PAK5: variants seen among roughly 807,000 people sequenced by gnomAD.
PAK5 encodes serine/threonine-protein kinase PAK 5.
Under a neutral mutation model 65.9 loss-of-function variants are expected in PAK5, and 16 were observed. That is an observed-to-expected ratio of 0.24 (90% confidence interval 0.16 to 0.37). PAK5 has a LOEUF of 0.37. Ranked by LOEUF, PAK5 falls within the 10% of genes least tolerant of loss-of-function variation. The probability of loss-of-function intolerance (pLI) is 1.00; values close to 1 mark genes in which losing one functional copy is unlikely to be tolerated. For missense variants in PAK5, 785 were observed against 903.9 expected (o/e 0.87, Z 1.69); for synonymous variants, 371 against 354.9 (o/e 1.05, Z -0.51).
At chr20:9,639,720 A>G (rs1190201765) in intron 3 of PAK5, among the ~76,000 whole-genome samples, 1 of 152,240 alleles carries the variant, frequency 6.6e-6, no homozygotes, top group Non-Finnish European at 1.5e-5. Context: ...GAAAGCCCAT[A>G]CTAGTGAGTA....
intron 2 of PAK5, among the ~76,000 whole-genome samples, chr20:9,686,264 G>C (rs1418098807): frequency 5.9e-5 from 9 of 152,120 alleles, no homozygotes; most frequent in Non-Finnish European, 8.8e-5. Flanking sequence ...TGGACCATTT[G>C]ACAGAGACTC....
chr20:9,725,821 T>C (rs190606480), intron 1 of PAK5, among the ~76,000 whole-genome samples: 259 of 152,274 alleles, frequency 1.7e-3, no homozygotes, highest in African/African-American at 5.5e-3. Flanking sequence ...TGCACTGATA[T>C]GTTATATTCA....
chr20:9,728,355 T>C (rs1600295452), intron 1 of PAK5, among the ~76,000 whole-genome samples: 1 of 152,134 alleles, frequency 6.6e-6, no homozygotes, highest in South Asian at 2.1e-4. Flanking sequence ...AGTGCACAAA[T>C]AAACTAAAAT....
At chr20:9,742,171 C>G (rs112342228) in intron 1 of PAK5, among the ~76,000 whole-genome samples, 4 of 152,220 alleles carry the variant, frequency 2.6e-5, no homozygotes, top group South Asian at 4.2e-4. Context: ...ATCCTCCCCC[C>G]ACCCCAATGT....
chr20:9,641,657 A>G (rs1173501999), intron 3 of PAK5, among the ~76,000 whole-genome samples: 2 of 151,820 alleles, frequency 1.3e-5, no homozygotes, highest in East Asian at 3.9e-4. Context: ...CTCGTCAGGG[A>G]GGCTCGGCCG....
intron 2 of PAK5, among the ~76,000 whole-genome samples, chr20:9,691,415 C>T (rs982201947): frequency 1.8e-4 from 28 of 152,112 alleles, no homozygotes; most frequent in Admixed American, 1.7e-3. Context: ...GCAACTGTCA[C>T]GAAAATCATA....
chr20:9,594,063 C>A (rs759207474), intron 3 of PAK5, among the ~76,000 whole-genome samples: 2 of 152,186 alleles, frequency 1.3e-5, no homozygotes, highest in Non-Finnish European at 2.9e-5. Context: ...GGTCTCTTCC[C>A]AGACCAATTA....
intron 2 of PAK5, among the ~76,000 whole-genome samples, chr20:9,665,722 G>A (rs1402395235): frequency 6.7e-6 from 1 of 150,144 alleles, no homozygotes; most frequent in Admixed American, 6.6e-5. Context: ...TTGAACTTCT[G>A]GCCTCAAGCA....
intron 3 of PAK5, among the ~76,000 whole-genome samples, chr20:9,616,325 G>T (rs2046654719): frequency 6.6e-6 from 1 of 152,170 alleles, no homozygotes. Flanking sequence ...GAGAGTTTCA[G>T]GTGCTCCTCA....
chr20:9,680,060 C>G (rs2047628867), intron 2 of PAK5, among the ~76,000 whole-genome samples: 1 of 152,208 alleles, frequency 6.6e-6, no homozygotes, highest in Admixed American at 6.5e-5. Context: ...CCTATGTGAT[C>G]CGTTCAGGCA....
intron 2 of PAK5, among the ~76,000 whole-genome samples, chr20:9,706,663 T>C (rs2123476177): frequency 6.6e-6 from 1 of 151,556 alleles, no homozygotes; most frequent in South Asian, 2.1e-4. Context: ...TTTTTCTTTT[T>C]TTTTTTTGCT....
At chr20:9,717,509 G>A (rs189218115) in intron 1 of PAK5, among the ~76,000 whole-genome samples, 19 of 152,296 alleles carry the variant, frequency 1.2e-4, no homozygotes, top group Admixed American at 1.1e-3. Flanking sequence ...TGATATCTGC[G>A]AATAATTTGA....
chr20:9,732,210 C>T (rs956497), intron 1 of PAK5, among the ~76,000 whole-genome samples: 74,847 of 151,818 alleles, frequency 0.49, 18,528 homozygotes, highest in South Asian at 0.63. Context: ...AAAGTTTTAA[C>T]AGCTTAAGTA....
At chr20:9,774,642 G>A (rs1299473129) in intron 1 of PAK5, among the ~76,000 whole-genome samples, 2 of 152,070 alleles carry the variant, frequency 1.3e-5, no homozygotes, top group African/African-American at 4.8e-5. Context: ...CTCTGATATA[G>A]TCATACATTG....
chr20:9,572,847 A>C (rs2045814972), intron 4 of PAK5, among the ~76,000 whole-genome samples: 1 of 152,196 alleles, frequency 6.6e-6, no homozygotes, highest in African/African-American at 2.4e-5. Flanking sequence ...TTTGTGAACG[A>C]GTAACTCCTT....
At chr20:9,726,085 T>C (rs2048274143) in intron 1 of PAK5, among the ~76,000 whole-genome samples, 1 of 152,094 alleles carries the variant, frequency 6.6e-6, no homozygotes, top group African/African-American at 2.4e-5. Flanking sequence ...GGAGTCAAGG[T>C]ATTATAGAGG....
intron 6 of PAK5, among the ~76,000 whole-genome samples, chr20:9,559,461 G>A (rs748667006): frequency 6.6e-6 from 1 of 152,142 alleles, no homozygotes; most frequent in African/African-American, 2.4e-5. Flanking sequence ...AATACCAAAG[G>A]TATAAAGTTG....
intron 2 of PAK5, among the ~76,000 whole-genome samples, chr20:9,647,046 C>A (rs781381209): frequency 6.6e-6 from 1 of 152,222 alleles, no homozygotes; most frequent in South Asian, 2.1e-4. Flanking sequence ...GCTAACATAA[C>A]AAAAACCCTG....
intron 2 of PAK5, among the ~76,000 whole-genome samples, chr20:9,704,433 C>A (rs2047980008): frequency 6.6e-6 from 1 of 152,146 alleles, no homozygotes; most frequent in South Asian, 2.1e-4. Flanking sequence ...TAACACCTGA[C>A]CTTCCACTTA....
Sources: gnomAD v4.1 joint callset for allele counts (sites outside exome capture counted in the v4.1 genomes callset) on GRCh38, gnomAD v4.1.1 for gene constraint, MANE v1.5 for transcripts, NCBI Gene and HGNC (gene_info 2026-07-23, HGNC 2026-07-21) for gene names.